CDH15: variants seen among roughly 807,000 people sequenced by gnomAD.
CDH15 encodes the protein cadherin-15.
In CDH15, 73 loss-of-function variants were observed where a neutral mutation model predicts 69.4. The observed-to-expected ratio is 1.05, with a 90% CI of 0.87 to 1.28. The LOEUF (loss-of-function observed/expected upper bound fraction) is 1.28, where lower values mean the gene tolerates loss of function less well. CDH15 is among the 50% of genes most tolerant of loss of function. The probability of loss-of-function intolerance (pLI) is 0.00; values close to 1 mark genes in which losing one functional copy is unlikely to be tolerated. For missense variants in CDH15, 1,343 were observed against 1,133.6 expected, an observed-to-expected ratio of 1.18 and a Z score of -2.65; for synonymous variants, 624 against 507.7, an observed-to-expected ratio of 1.23 and a Z score of -3.08.
intron 13 of CDH15, among the ~76,000 whole-genome samples, chr16:89,194,620 C>T (rs905375743): frequency 4.6e-5 from 7 of 152,266 alleles, no homozygotes; most frequent in Admixed American, 1.3e-4. Flanking sequence ...GGCAGAGCCC[C>T]GGGGGACGGG....
At chr16:89,189,480 T>C (rs1426481838) in intron 7 of CDH15, among the ~76,000 whole-genome samples, 2 of 152,262 alleles carry the variant, frequency 1.3e-5, no homozygotes, top group Non-Finnish European at 2.9e-5. Context: ...GGACCTTGTG[T>C]TCGTCCTTGG....
rs1046182591 is a variant in CDH15, at chr16:89,191,556, A to G, written c.1375+84A>G. 3.8e-6 allele frequency: 6 copies of G among 1,588,018 alleles called. No individual in the cohort carries two copies. The African/African-American group carries it at 5.4e-5, about 14-fold the overall frequency. On this transcript the variant is annotated intron_variant, in intron 9 of 13. Coordinates refer to ENST00000289746, the MANE Select transcript of CDH15 (RefSeq NM_004933.3). ...CTGCCAGTGTCGGAGGGCTCTGCCC[A>G]TGTCGCCCGGGGGCTCAGAGCTGCG...
chr16:89,174,713 C>T (rs1567769640), intron 1 of CDH15, among the ~76,000 whole-genome samples: 1 of 152,150 alleles, frequency 6.6e-6, no homozygotes, highest in East Asian at 1.9e-4. Flanking sequence ...CGAGGATGAG[C>T]TTGGGGGTGT....
intron 3 of CDH15, 65 bp downstream of exon 3, chr16:89,180,420 C>A: frequency 6.5e-7 from 1 of 1,547,478 alleles, no homozygotes; most frequent in Non-Finnish European, 8.8e-7. Flanking sequence ...AGTGCCCCTC[C>A]TCCCCACCAG....
At chr16:89,180,987 T>TTTTTTTTTTTTTTTTTTTTTTG (rs1567771866) in intron 3 of CDH15, among the ~76,000 whole-genome samples, 1 of 149,784 alleles carries the variant, frequency 6.7e-6, no homozygotes, top group Admixed American at 6.6e-5. Flanking sequence ...TTTTTTTTTT[T>TTTTTTTTTTTTTTTTTTTTTTG]GAGATGGAGC....
intron 3 of CDH15, among the ~76,000 whole-genome samples, chr16:89,181,342 G>A (rs529855201): frequency 5.1e-4 from 77 of 152,316 alleles, no homozygotes; most frequent in African/African-American, 1.6e-3. Context: ...AGCGCCGGGC[G>A]CGGTGGCTCA....
Position 89,180,276 on chromosome 16 carries a change from G to C in CDH15, c.278G>C (p.Gly93Ala). The change falls in exon 3 of 14, where the codon GGC (glycine) becomes GCC (alanine). Residue 93 changes from glycine to alanine, a missense_variant. Physicochemically the swap from Gly to Ala is moderately conservative, Grantham distance 60. Coordinates refer to ENST00000289746, the MANE Select transcript of CDH15 (RefSeq NM_004933.3). The stretch of plus-strand genomic sequence containing the variant: ...CCCGGCGTGGATGAGGAGCCCCGGG[G>C]CGTCTTCTCTATCGACAAGTTCACA... ...QGPGVDEEPR[G>A]VFSIDKFTGK... The C allele has an allele frequency of 2.5e-6, 4 of 1,610,710 alleles. No homozygotes were observed. The highest frequency in any genetic ancestry group is 3.4e-6 in the Non-Finnish European group (4 of 1,178,702).
At position 89,185,196 on chromosome 16, in the gene CDH15, G is replaced by A. The variant is rs1250688882; in HGVS notation, c.526G>A (p.Ala176Thr). The change falls in exon 5 of 14, where the codon GCC becomes ACC. Residue 176 changes from alanine to threonine, a missense_variant. By Grantham distance (58) the Ala-to-Thr change is moderately conservative. Coordinates refer to ENST00000289746, the MANE Select transcript of CDH15 (RefSeq NM_004933.3). ...VPGTYVTRAE[A>T]TDADDPETDN... is the part of the protein sequence containing the mutation. ...AGGCACCTATGTGACCAGGGCAGAGGCCACAGATGCCGACGACCCCGAGAC... is the reference window on the plus strand; with the variant it reads ...AGGCACCTATGTGACCAGGGCAGAGACCACAGATGCCGACGACCCCGAGAC... The A allele has an allele frequency of 6.2e-7, 1 of 1,602,836 alleles. No individual in the cohort carries two copies. The highest frequency in any genetic ancestry group is 1.1e-5 in the South Asian group (1 of 89,412).
intron 2 of CDH15, among the ~76,000 whole-genome samples, 177 bp from the exon 3 acceptor site, chr16:89,180,023 C>T (rs972932685): frequency 6.6e-6 from 1 of 152,202 alleles, no homozygotes; most frequent in Non-Finnish European, 1.5e-5. Context: ...CTTGGGGCCA[C>T]AGGCTGAGCT....
At position 89,193,556 on chromosome 16, in the gene CDH15, C is replaced by G. The variant is rs766630872; in HGVS notation, c.1942C>G (p.Arg648Gly). The change falls in exon 12 of 14, where the codon CGA becomes GGA. Residue 648 changes from arginine (R) to glycine (G), a missense_variant. Coordinates refer to ENST00000289746, the MANE Select transcript of CDH15 (RefSeq NM_004933.3). ...GCTGCACGGCCCCCAGGACGACCTT[C>G]GAGACAATGTCCTCAACTACGATGA... Reference protein sequence around the residue: ...GLLHGPQDDLRDNVLNYDEQG... With the variant: ...GLLHGPQDDLGDNVLNYDEQG... The G allele has an allele frequency of 3.1e-6, 5 of 1,610,920 alleles. No homozygotes were observed. Among genetic ancestry groups the G allele is most frequent in the Non-Finnish European group, 3.4e-6 (4 of 1,179,354 alleles).
intron 7 of CDH15, 61 bp from the exon 8 acceptor site, chr16:89,190,182 C>A (rs1035222222): frequency 1.3e-5 from 21 of 1,587,726 alleles, no homozygotes; most frequent in Non-Finnish European, 1.8e-5. Flanking sequence ...CCCCATGGCA[C>A]CTGCCCTCGG....
Position 89,191,474 on chromosome 16 carries a change from T to C in CDH15, c.1375+2T>C. 6.2e-7 allele frequency: 1 copy of C among 1,612,076 alleles called. No homozygotes were observed. The stretch of plus-strand genomic sequence containing the variant: ...CCATCGTCCTGGCCCAGGATGACGG[T>C]GAGCGGCGCCGCCGGCTTGGGGCTC... On this transcript the variant is annotated splice_donor_variant, in intron 9 of 13. Coordinates refer to ENST00000289746, the MANE Select transcript of CDH15 (RefSeq NM_004933.3). LOFTEE classifies it high-confidence loss of function.
intron 10 of CDH15, 113 bp downstream of exon 10, chr16:89,192,007 A>T: frequency 4.2e-6 from 5 of 1,198,870 alleles, no homozygotes; most frequent in Non-Finnish European, 5.8e-6. Context: ...TGGTCCTGCA[A>T]CAGGTCCCCT....
At chr16:89,194,789 T>C (rs1915759134) in intron 13 of CDH15, 73 bp from the exon 14 acceptor site, 1 of 1,476,898 alleles carries the variant, frequency 6.8e-7, no homozygotes, top group South Asian at 1.2e-5. Flanking sequence ...GACTTTGCCC[T>C]GGGCTGTGGC....
Position 89,185,303 on chromosome 16 carries a change from C to A in CDH15, c.633C>A (p.Ile211=), listed in dbSNP as rs531999031. The A allele has an allele frequency of 1.6e-4, 258 of 1,605,652 alleles. 3 individuals are homozygous for A. In the South Asian group the frequency reaches 2.6e-3, roughly 16 times the overall value. The change falls in exon 5 of 14, where the codon ATC becomes ATA. Residue 211 remains isoleucine, a synonymous_variant. Coordinates refer to ENST00000289746, the MANE Select transcript of CDH15 (RefSeq NM_004933.3). ...LFSIDELTGE[I]RTVQVGLDRE... is the part of the protein sequence containing the mutation. Reference sequence around the variant, plus strand: ...GCATCGACGAGCTCACAGGAGAGATCCGCACAGTGCAAGTGGGGCTGGACC... The same window carrying A: ...GCATCGACGAGCTCACAGGAGAGATACGCACAGTGCAAGTGGGGCTGGACC...
At chr16:89,184,007 C>G (rs1376984647) in intron 4 of CDH15, among the ~76,000 whole-genome samples, 1 of 152,198 alleles carries the variant, frequency 6.6e-6, no homozygotes, top group East Asian at 1.9e-4. Context: ...CCTGTACTCA[C>G]ATGGGGTCCA....
intron 1 of CDH15, among the ~76,000 whole-genome samples, chr16:89,178,913 TG>T (rs2151598701): frequency 6.6e-6 from 1 of 152,288 alleles, no homozygotes; most frequent in African/African-American, 2.4e-5. Flanking sequence ...ACTGGCTTCT[TG>T]GGGTCATTCC....
intron 1 of CDH15, among the ~76,000 whole-genome samples, chr16:89,175,544 G>A (rs79652312): frequency 0.023 from 3,426 of 152,250 alleles, 103 homozygotes; most frequent in East Asian, 0.13. Flanking sequence ...ACAGGCTCCC[G>A]GGGGGTTGGG....
rs1434568339 is a variant in CDH15 at position 89,192,357 on chromosome 16, C to T, written c.1768C>T (p.Pro590Ser). The stretch of plus-strand genomic sequence containing the variant: ...CTGCGGCAAGGACGGCGTCTGCCTG[C>T]CGGGGGCCGCAGCGCTGCTGGCGGG... ...CRCGKDGVCLPGAAALLAGGT... is the reference protein window; with the variant it reads ...CRCGKDGVCLSGAAALLAGGT... Residue 590 changes from proline (P) to serine (S), a missense_variant, in exon 11 of 14, where the codon CCG (proline) becomes TCG (serine). Pro to Ser is a moderately conservative substitution (Grantham distance 74). Transcript: ENST00000289746. 3.3e-6 allele frequency: 5 copies of T among 1,537,362 alleles called. No homozygotes were observed. The highest frequency in any genetic ancestry group is 2.7e-5 in the African/African-American group (2 of 73,074).
Sources: gnomAD v4.1 joint callset for allele counts (sites outside exome capture counted in the v4.1 genomes callset) on GRCh38, gnomAD v4.1.1 for gene constraint, MANE v1.5 for transcripts, NCBI Gene and HGNC (gene_info 2026-07-23, HGNC 2026-07-21) for gene names.